The following ACOX3 variants were observed in gnomAD, a reference collection of about 807,000 sequenced individuals.
The protein encoded by ACOX3 is peroxisomal acyl-coenzyme A oxidase 3.
Under a neutral mutation model 81.5 loss-of-function variants are expected in ACOX3, and 73 were observed. The observed-to-expected ratio is 0.90, with a 90% CI of 0.74 to 1.09. The LOEUF (loss-of-function observed/expected upper bound fraction) is 1.09. Among genes scored for constraint, ACOX3 ranks in the 50% least tolerant of loss-of-function variants. The pLI is 0.00. For missense variants in ACOX3, 947 were observed against 928.0 expected (o/e 1.02, Z -0.27); for synonymous variants, 387 against 375.1 (o/e 1.03, Z -0.37).
In ACOX3 at chr4:8,394,617, C is replaced by T. The variant is rs761526421; in HGVS notation, c.1179+3G>A. 7.4e-6 allele frequency: 12 copies of T among 1,613,208 alleles called. No homozygotes were observed. The highest frequency in any genetic ancestry group is 1.6e-4 in the Middle Eastern group (1 of 6,074). On this transcript the variant is annotated splice_donor_region_variant and intron_variant, in intron 10 of 17. Transcript: ENST00000356406. The surrounding 1 kb of genome is among the most constrained non-coding windows in gnomAD (Gnocchi z 5.9). ...GCTGCTGAGGAAGCAGACACCACCT[C>T]ACCTGTCTGGCGCTGCGGTCTCCCG...
intron 10 of ACOX3, among the ~76,000 whole-genome samples, chr4:8,393,635 ACG>A (rs1411808534): frequency 9.2e-4 from 54 of 58,944 alleles, no homozygotes; most frequent in African/African-American, 1.6e-3. Context: ...ACACACACAC[ACG>A]CACACACACA....
chr4:8,390,101 T>TCAA (rs1288930354), intron 11 of ACOX3, among the ~76,000 whole-genome samples: 4 of 73,900 alleles, frequency 5.4e-5, no homozygotes, highest in South Asian at 4.1e-4. Flanking sequence ...AGACCCTGTC[T>TCAA]CAACAACAAC....
chr4:8,423,415 G>A lies in ACOX3; in HGVS notation c.-14-6880C>T, dbSNP rs910522049. Among the ~76,000 whole-genome samples the A allele has an allele frequency of 2.6e-5, 4 of 152,086 alleles. No individual in the cohort carries two copies. Among genetic ancestry groups the A allele is most frequent in the South Asian group, 2.1e-4 (1 of 4,818 alleles). ...TGGATGAGGGAAGAATGCCCGTCCC[G>A]TTCAAGTTAAACTAAAGGATTCCGC... is the stretch of plus-strand genomic sequence containing the variant. On this transcript the variant is annotated intron_variant, in intron 1 of 17. Transcript: ENST00000356406. The surrounding 1 kb of genome is among the most constrained non-coding windows in gnomAD (Gnocchi z 4.2).
intron 5 of ACOX3, among the ~76,000 whole-genome samples, 186 bp from the exon 6 acceptor site, chr4:8,410,541 G>A (rs955370816): frequency 6.6e-6 from 1 of 152,184 alleles, no homozygotes; most frequent in Non-Finnish European, 1.5e-5. Context: ...GCCTATTCCT[G>A]GGCCTTATGA....
At chr4:8,355,569 G>C in the ACOX3 span, 1 of 152,178 alleles carries the variant, frequency 6.6e-6, no homozygotes, top group East Asian at 1.9e-4. Flanking sequence ...ACACTGAAAC[G>C]TACTCAGAGA....
At chr4:8,438,462 G>A (rs771505032) in intron 1 of ACOX3, among the ~76,000 whole-genome samples, 1 of 152,106 alleles carries the variant, frequency 6.6e-6, no homozygotes, top group Non-Finnish European at 1.5e-5. Flanking sequence ...CTTCAAGTCA[G>A]CTGCACCCTC....
intron 14 of ACOX3, among the ~76,000 whole-genome samples, chr4:8,378,836 G>T (rs1463775234): frequency 6.6e-6 from 1 of 152,208 alleles, no homozygotes; most frequent in Non-Finnish European, 1.5e-5. Flanking sequence ...TCTCCACCAG[G>T]TCAAAGAGTA....
intron 1 of ACOX3, among the ~76,000 whole-genome samples, chr4:8,426,988 A>C (rs1009440255): frequency 9.2e-5 from 14 of 152,054 alleles, no homozygotes; most frequent in African/African-American, 3.1e-4. Flanking sequence ...AACCTCCCCA[A>C]CAGCACTTGG....
chr4:8,397,306 A>G (rs1031853440), intron 8 of ACOX3, among the ~76,000 whole-genome samples, 187 bp from the exon 9 acceptor site: 14 of 152,274 alleles, frequency 9.2e-5, no homozygotes, highest in African/African-American at 3.4e-4. Flanking sequence ...GTCACTGATG[A>G]ACCGTGGATG....
chr4:8,394,614 C>T lies in ACOX3; in HGVS notation c.1179+6G>A, dbSNP rs372899662. On this transcript the variant is annotated splice_donor_region_variant and intron_variant, in intron 10 of 17. Coordinates refer to ENST00000356406, the MANE Select transcript of ACOX3 (RefSeq NM_003501.3). This position sits in a 1 kb window ranked among gnomAD's most constrained non-coding sequence, Gnocchi z 5.9. ...GATGCTGCTGAGGAAGCAGACACCA[C>T]CTCACCTGTCTGGCGCTGCGGTCTC... 27 of 1,613,180 alleles carry T rather than the reference C, an allele frequency of 1.7e-5. No individual in the cohort carries two copies. In the African/African-American group the frequency reaches 2.5e-4, roughly 15 times the overall value.
chr4:8,364,538 CG>C (rs1401070090), downstream of ACOX3, among the ~76,000 whole-genome samples: 8 of 92,468 alleles, frequency 8.7e-5, no homozygotes, highest in Non-Finnish European at 1.9e-4. The surrounding 1 kb of genome is among the most constrained non-coding windows in gnomAD (Gnocchi z 5.0). Flanking sequence ...CTCTCCTGCA[CG>C]AGAACCCGTT....
rs1719478077 is a variant in ACOX3, at chr4:8,394,718, C to T, written c.1081G>A (p.Ala361Thr). 4.3e-6 allele frequency: 7 copies of T among 1,613,642 alleles called. No individual in the cohort carries two copies. The highest frequency in any genetic ancestry group is 5.1e-6 in the Non-Finnish European group (6 of 1,179,846). ...AAATGGTCTAAGGCGTAGACAGCTG[C>T]CAGATATGGAAGCAAGCGCCATTGC... ...MQQWRLLPYL[A>T]AVYALDHFSK... Residue 361 changes from alanine to threonine, a missense_variant, in exon 10 of 18, where the codon GCA (alanine) becomes ACA (threonine). By Grantham distance (58) the Ala-to-Thr change is moderately conservative. Transcript: ENST00000356406. This position sits in a 1 kb window ranked among gnomAD's most constrained non-coding sequence, Gnocchi z 5.9.
chr4:8,374,795 G>A (rs1161194206), intron 15 of ACOX3, 183 bp downstream of exon 15: 2 of 617,958 alleles, frequency 3.2e-6, no homozygotes, highest in Non-Finnish European at 4.9e-6. Context: ...GCACCACCCT[G>A]ACGCTGCTCT....
At chr4:8,365,681 T>A (rs1715368232), downstream of ACOX3, among the ~76,000 whole-genome samples, 2 of 151,962 alleles carry the variant, frequency 1.3e-5, no homozygotes, top group Non-Finnish European at 2.9e-5. Flanking sequence ...TGGCAGGCGG[T>A]AGGTGATCAT....
At chr4:8,373,698 T>G in intron 15 of ACOX3, 70 bp from the exon 16 acceptor site, 1 of 1,457,206 alleles carries the variant, frequency 6.9e-7, no homozygotes, top group African/African-American at 1.4e-5. Flanking sequence ...CAACATGCCC[T>G]GAGTGCACTT....
intron 11 of ACOX3, among the ~76,000 whole-genome samples, chr4:8,390,831 C>T (rs1042047684): frequency 2.0e-5 from 3 of 152,306 alleles, no homozygotes; most frequent in Admixed American, 2.0e-4. Flanking sequence ...TTGTGATCAC[C>T]TAGAACACCT....
At chr4:8,375,384 GCCCT>G (rs1454450345) in intron 14 of ACOX3, among the ~76,000 whole-genome samples, 1 of 152,202 alleles carries the variant, frequency 6.6e-6, no homozygotes, top group African/African-American at 2.4e-5. Context: ...CTCCACCGAC[GCCCT>G]CCAAGGCCTC....
Position 8,410,260 on chromosome 4 carries a change from C to G in ACOX3, c.639G>C (p.Leu213=). Residue 213 remains leucine (L), a synonymous_variant, in exon 6 of 18, where the codon CTG becomes CTC. Transcript: ENST00000356406. ...TATHAVVFAK[L]CVPGDQCHGL... ...CATGGCACTGGTCCCCTGGCACACA[C>G]AGCTTAGCAAACACCACCGCGTGAG... The G allele has an allele frequency of 2.5e-6, 4 of 1,614,116 alleles. No homozygotes were observed. Among genetic ancestry groups the G allele is most frequent in the Non-Finnish European group, 3.4e-6 (4 of 1,179,976 alleles).
intron 7 of ACOX3, among the ~76,000 whole-genome samples, chr4:8,404,860 C>T (rs1270948884): frequency 2.0e-5 from 3 of 152,144 alleles, no homozygotes; most frequent in Non-Finnish European, 2.9e-5. Context: ...CATACCTTGT[C>T]CCACTACCCC....
Sources: gnomAD v4.1 joint callset for allele counts (sites outside exome capture counted in the v4.1 genomes callset) on GRCh38, gnomAD v4.1.1 for gene constraint, Gnocchi (gnomAD v3.1) non-coding constraint, MANE v1.5 for transcripts, NCBI Gene and HGNC (gene_info 2026-07-23, HGNC 2026-07-21) for gene names.